The following HPSE2 variants were observed in gnomAD, a reference collection of about 807,000 sequenced individuals.
HPSE2 encodes heparanase 2 (inactive).
In HPSE2, 38 loss-of-function variants were observed where a neutral mutation model predicts 60.5. The observed-to-expected ratio is 0.63, with a 90% CI of 0.48 to 0.82. HPSE2 has a LOEUF of 0.82. Among genes scored for constraint, HPSE2 ranks in the 40% least tolerant of loss-of-function variants. The pLI is 0.00. For synonymous variants in HPSE2, 295 were observed against 293.2 expected, an observed-to-expected ratio of 1.01 and a Z score of -0.06; for missense variants, 713 against 740.4, an observed-to-expected ratio of 0.96 and a Z score of 0.43.
At chr10:98,509,168 G>C (rs1459151620) in intron 9 of HPSE2, among the ~76,000 whole-genome samples, 1 of 151,982 alleles carries the variant, frequency 6.6e-6, no homozygotes, top group African/African-American at 2.4e-5. Context: ...ACAAAAATTA[G>C]CTGGGCATAG....
intron 3 of HPSE2, among the ~76,000 whole-genome samples, chr10:98,748,352 A>T (rs1216188647): frequency 6.6e-6 from 1 of 152,196 alleles, no homozygotes; most frequent in African/African-American, 2.4e-5. Context: ...TCTACAGTTT[A>T]TTAGAAAAGT....
intron 9 of HPSE2, among the ~76,000 whole-genome samples, chr10:98,545,723 T>A (rs1161985083): frequency 9.2e-5 from 14 of 151,862 alleles, no homozygotes; most frequent in African/African-American, 3.4e-4. Flanking sequence ...ACTGGAAGCA[T>A]TCCCTTTGAA....
At chr10:98,603,276 G>A (rs59094302) in intron 9 of HPSE2, among the ~76,000 whole-genome samples, 4,966 of 152,030 alleles carry the variant, frequency 0.033, 191 homozygotes, top group African/African-American at 0.088. Flanking sequence ...TGCAACTCCC[G>A]GAGGACTCAG....
chr10:98,845,428 T>A (rs986303839), intron 3 of HPSE2, among the ~76,000 whole-genome samples: 1 of 152,232 alleles, frequency 6.6e-6, no homozygotes, highest in Non-Finnish European at 1.5e-5. Flanking sequence ...CTTTTGAGCA[T>A]TGGATCTATA....
At chr10:99,257,616 G>A in the HPSE2 span, among the ~76,000 whole-genome samples, 10 of 152,262 alleles carry the variant, frequency 6.6e-5, no homozygotes, top group South Asian at 2.1e-3. Flanking sequence ...CAATGACAAT[G>A]CGTGCCCGAA....
At chr10:98,906,680 C>T (rs1420818381) in intron 3 of HPSE2, among the ~76,000 whole-genome samples, 1 of 152,042 alleles carries the variant, frequency 6.6e-6, no homozygotes, top group Non-Finnish European at 1.5e-5. Flanking sequence ...CTGAGGAGGG[C>T]AGATCATGAG....
chr10:99,180,640 T>C (rs1018138956), intron 2 of HPSE2, among the ~76,000 whole-genome samples: 7 of 151,910 alleles, frequency 4.6e-5, no homozygotes, highest in African/African-American at 1.7e-4. Flanking sequence ...ATCCTAGCCC[T>C]ATGGGAGGCT....
chr10:98,895,984 T>G (rs1590033998), intron 3 of HPSE2, among the ~76,000 whole-genome samples: 1 of 150,334 alleles, frequency 6.7e-6, no homozygotes. Context: ...TGCCTAATGC[T>G]AAATGACGAG....
chr10:98,600,959 T>G (rs77606352), intron 9 of HPSE2, among the ~76,000 whole-genome samples: 1 of 128,796 alleles, frequency 7.8e-6, no homozygotes, highest in African/African-American at 2.9e-5. Flanking sequence ...AGAAAGAGAG[T>G]GAGAGAGAGA....
At chr10:98,863,401 G>A (rs1952506861) in intron 3 of HPSE2, among the ~76,000 whole-genome samples, 1 of 152,124 alleles carries the variant, frequency 6.6e-6, no homozygotes, top group Non-Finnish European at 1.5e-5. Context: ...GAGAGAGAGA[G>A]TGGAATTGGG....
At chr10:98,716,308 C>T (rs1211970021) in intron 5 of HPSE2, among the ~76,000 whole-genome samples, 1 of 151,974 alleles carries the variant, frequency 6.6e-6, no homozygotes, top group African/African-American at 2.4e-5. Flanking sequence ...CTAGAGTCCA[C>T]TTCTTCCAAA....
chr10:99,265,707 G>A, the HPSE2 span, among the ~76,000 whole-genome samples: 2 of 152,142 alleles, frequency 1.3e-5, no homozygotes, highest in African/African-American at 4.8e-5. Context: ...TCTGCTCCAA[G>A]AACTACCACA....
intron 3 of HPSE2, among the ~76,000 whole-genome samples, chr10:98,980,649 A>G (rs1027326762): frequency 3.9e-5 from 6 of 152,228 alleles, no homozygotes; most frequent in Non-Finnish European, 8.8e-5. Flanking sequence ...AGCTGTTGTT[A>G]CAGTAGCATA....
chr10:99,222,216 C>T (rs934751270), intron 2 of HPSE2, among the ~76,000 whole-genome samples: 6 of 151,970 alleles, frequency 3.9e-5, no homozygotes, highest in African/African-American at 9.7e-5. Flanking sequence ...TGAAAATCAC[C>T]AGCTTTGGAG....
chr10:99,233,273 G>C (rs1237466124), intron 1 of HPSE2, among the ~76,000 whole-genome samples: 1 of 151,990 alleles, frequency 6.6e-6, no homozygotes, highest in African/African-American at 2.4e-5. Context: ...AATTCCGCCT[G>C]ATCTCAGGAA....
chr10:99,185,752 C>T (rs750294757), intron 2 of HPSE2, among the ~76,000 whole-genome samples: 4 of 149,538 alleles, frequency 2.7e-5, no homozygotes, highest in Non-Finnish European at 5.9e-5. Flanking sequence ...CCAGCCTGGG[C>T]GACAGAGTGA....
At chr10:98,590,800 T>C (rs1206030871) in intron 9 of HPSE2, among the ~76,000 whole-genome samples, 5 of 152,332 alleles carry the variant, frequency 3.3e-5, no homozygotes, top group Non-Finnish European at 7.4e-5. Flanking sequence ...TGCCTGGATT[T>C]GAATTCCAGC....
intron 3 of HPSE2, among the ~76,000 whole-genome samples, chr10:99,121,677 A>G (rs1378156899): frequency 6.6e-6 from 1 of 152,218 alleles, no homozygotes; most frequent in Non-Finnish European, 1.5e-5. Flanking sequence ...TTAATATGAG[A>G]CAAGATTTAT....
chr10:98,813,905 T>C lies in HPSE2; in HGVS notation c.611-69849A>G, dbSNP rs190791625. On this transcript the variant is annotated intron_variant, in intron 3 of 11. Transcript: ENST00000370552. The stretch of plus-strand genomic sequence containing the variant: ...GTACAAGATGGTCCTTACATTGTTA[T>C]ACAAAGAGGAAAGAGACGACTAATA... Among the ~76,000 whole-genome samples the C allele has an allele frequency of 2.2e-4, 33 of 152,330 alleles. No individual in the cohort carries two copies. The East Asian group carries it at 5.4e-3, about 25-fold the overall frequency.
Sources: allele counts gnomAD v4.1 joint callset (sites outside exome capture counted in the v4.1 genomes callset), GRCh38; gene constraint gnomAD v4.1.1; transcripts MANE v1.5; gene names NCBI Gene and HGNC (gene_info 2026-07-23, HGNC 2026-07-21).